Variants in DCLK3 observed in about 807,000 individuals in gnomAD.
DCLK3 encodes doublecortin like kinase 3.
A neutral mutation model predicts 46.4 loss-of-function variants in DCLK3; 30 were observed. That is an observed-to-expected ratio of 0.65 (90% confidence interval 0.48 to 0.88). The LOEUF is 0.88. DCLK3 is among the 40% of genes least tolerant of loss of function. The pLI is 0.00. For missense variants in DCLK3, 846 were observed against 907.1 expected, an observed-to-expected ratio of 0.93 and a Z score of 0.87; for synonymous variants, 401 against 339.2, an observed-to-expected ratio of 1.18 and a Z score of -2.00.
At chr3:36,719,321 A>T (rs1188412334) in intron 3 of DCLK3, among the ~76,000 whole-genome samples, 2 of 152,214 alleles carry the variant, frequency 1.3e-5, no homozygotes, top group Non-Finnish European at 2.9e-5. Flanking sequence ...ACACTTGACC[A>T]CTGTAATTTA....
At chr3:36,723,739 A>G (rs1701091307) in intron 2 of DCLK3, among the ~76,000 whole-genome samples, 1 of 152,204 alleles carries the variant, frequency 6.6e-6, no homozygotes, top group Non-Finnish European at 1.5e-5. Flanking sequence ...AACCTCTGCC[A>G]GATTTCAGAG....
Position 36,712,457 on chromosome 3 carries a change from C to T in DCLK3, c.*2871G>A, listed in dbSNP as rs1203569319. Reference sequence around the variant, plus strand: ...CAACTTTATTGAGGTATAATTGACACACAATAAACTGCACATAACAAAAGT... The same window carrying T: ...CAACTTTATTGAGGTATAATTGACATACAATAAACTGCACATAACAAAAGT... On this transcript the variant is annotated 3_prime_UTR_variant, in exon 5 of 5. Transcript: ENST00000636136. The T allele has an allele frequency of 6.6e-6, 1 of 152,178 alleles. No homozygotes were observed. The highest frequency in any genetic ancestry group is 2.4e-5 in the African/African-American group (1 of 41,444). 9.4% of individuals were successfully genotyped at this position (152,178 alleles called of 1,614,324 possible).
Position 36,712,964 on chromosome 3 carries a change from A to C in DCLK3, c.*2364T>G, listed in dbSNP as rs1373973513. 1 of 152,228 alleles carries C rather than the reference A, an allele frequency of 6.6e-6. No homozygotes were observed. The highest frequency in any genetic ancestry group is 2.1e-4 in the South Asian group (1 of 4,834). The allele number at this position is 152,228 out of a possible 1,614,324, so 9.4% of individuals were successfully genotyped here. On this transcript the variant is annotated 3_prime_UTR_variant, in exon 5 of 5. Coordinates refer to ENST00000636136, the MANE Select transcript of DCLK3 (RefSeq NM_001394672.2). ...GGTAAACATCTAGAAGTGGAATATC[A>C]TATGGTAGGTACATGTTTAACTTTT... is the stretch of plus-strand genomic sequence containing the variant.
At chr3:36,722,696 G>A (rs1246944890) in intron 2 of DCLK3, among the ~76,000 whole-genome samples, 7 of 152,268 alleles carry the variant, frequency 4.6e-5, no homozygotes, top group African/African-American at 7.2e-5. Context: ...ATGGGAGTTT[G>A]CCTGCACAAG....
chr3:36,748,994 C>T (rs534938042), intron 1 of DCLK3, among the ~76,000 whole-genome samples: 97 of 152,304 alleles, frequency 6.4e-4, no homozygotes, highest in African/African-American at 2.2e-3. Flanking sequence ...CTGGGGACAG[C>T]TTCTCTTTCA....
intron 1 of DCLK3, among the ~76,000 whole-genome samples, chr3:36,744,358 C>T (rs1017259595): frequency 2.0e-5 from 3 of 152,224 alleles, no homozygotes; most frequent in Admixed American, 2.0e-4. Flanking sequence ...TAATCACAAA[C>T]ATCCATCTGC....
At chr3:36,725,514 G>A (rs1701116477) in intron 2 of DCLK3, among the ~76,000 whole-genome samples, 1 of 152,170 alleles carries the variant, frequency 6.6e-6, no homozygotes, top group African/African-American at 2.4e-5. Flanking sequence ...CTACTTGGGA[G>A]GCTGAGGTAG....
Position 36,718,038 on chromosome 3 carries a change from G to A in DCLK3, c.2232C>T (p.Leu744=). 3.1e-6 allele frequency: 5 copies of A among 1,614,162 alleles called. No individual in the cohort carries two copies. The highest frequency in any genetic ancestry group is 2.2e-5 in the East Asian group (1 of 44,878). ...CAGAGATATTGTCCCAGTAAGGGGG[G>A]AGGAACTCAAAGTGGCCCAGCTGGA... ...NIIQLGHFEF[L]PPYWDNISDA... is the part of the protein sequence containing the mutation. Residue 744 remains leucine, a synonymous_variant, in exon 4 of 5, where the codon CTC becomes CTT. Transcript: ENST00000636136.
intron 1 of DCLK3, among the ~76,000 whole-genome samples, chr3:36,762,470 G>A (rs1254368469): frequency 1.3e-5 from 2 of 152,120 alleles, no homozygotes; most frequent in Non-Finnish European, 1.5e-5. Flanking sequence ...GCCAAGCAAA[G>A]AACCATAGAG....
chr3:36,738,081 A>G lies in DCLK3; in HGVS notation c.1086T>C (p.Ser362=), dbSNP rs1409625882. 3.1e-6 allele frequency: 5 copies of G among 1,612,746 alleles called. No homozygotes were observed. In the Admixed American group the frequency reaches 8.3e-5, roughly 27 times the overall value. ...CRRSPEANPA[S]GEEGWKGDSH... is the part of the protein sequence containing the mutation. Reference sequence around the variant, plus strand: ...TGTCACCCTTCCACCCTTCCTCCCCACTTGCAGGATTTGCCTCGGGAGACC... The same window carrying G: ...TGTCACCCTTCCACCCTTCCTCCCCGCTTGCAGGATTTGCCTCGGGAGACC... The change falls in exon 2 of 5, where the codon AGT becomes AGC. Residue 362 remains serine, a synonymous_variant. Transcript: ENST00000636136.
intron 1 of DCLK3, among the ~76,000 whole-genome samples, chr3:36,761,984 T>C (rs551880325): frequency 9.2e-5 from 14 of 152,212 alleles, no homozygotes; most frequent in Admixed American, 3.3e-4. Flanking sequence ...AAATCCCTCT[T>C]TGGGGGATTT....
intron 3 of DCLK3, 141 bp from the exon 4 acceptor site, chr3:36,718,318 C>A: frequency 1.8e-6 from 2 of 1,093,020 alleles, no homozygotes; most frequent in African/African-American, 1.6e-5. Flanking sequence ...GAGCCACTTC[C>A]AAACACAGCT....
intron 2 of DCLK3, among the ~76,000 whole-genome samples, chr3:36,728,235 C>T (rs1490158613): frequency 4.6e-5 from 7 of 152,154 alleles, no homozygotes; most frequent in African/African-American, 1.2e-4. Flanking sequence ...CCTCCAAAGA[C>T]GGGAAGCAAG....
intron 1 of DCLK3, among the ~76,000 whole-genome samples, chr3:36,747,276 A>C (rs1701401578): frequency 6.6e-6 from 1 of 152,192 alleles, no homozygotes; most frequent in Admixed American, 6.5e-5. Flanking sequence ...CAGGAGAAAA[A>C]TGTTTCTTTC....
chr3:36,713,860 A>G lies in DCLK3; in HGVS notation c.*1468T>C, dbSNP rs763199348. 6.6e-6 allele frequency: 1 copy of G among 152,244 alleles called. No individual in the cohort carries two copies. The highest frequency in any genetic ancestry group is 1.9e-4 in the East Asian group (1 of 5,188). The allele number at this position is 152,244 out of a possible 1,614,324, so 9.4% of individuals were successfully genotyped here. A position where few individuals can be genotyped will look rare whatever the true frequency, so the allele number is the denominator to read the frequency against. On this transcript the variant is annotated 3_prime_UTR_variant, in exon 5 of 5. Transcript: ENST00000636136. ...CAAAGGAGCTGAGCCACCATACCCT[A>G]CAGGGACTAGTCATTTGATATAGCC...
intron 1 of DCLK3, among the ~76,000 whole-genome samples, chr3:36,746,273 T>C (rs1485421561): frequency 1.3e-5 from 2 of 152,230 alleles, no homozygotes; most frequent in Non-Finnish European, 2.9e-5. Flanking sequence ...GGCCAGGCCT[T>C]GTTCTAACCC....
intron 2 of DCLK3, among the ~76,000 whole-genome samples, chr3:36,727,976 T>A (rs1701145611): frequency 6.6e-6 from 1 of 152,222 alleles, no homozygotes; most frequent in Admixed American, 6.5e-5. Flanking sequence ...CTGTGGGACA[T>A]CTGATACCAT....
At chr3:36,728,373 GA>G in intron 2 of DCLK3, among the ~76,000 whole-genome samples, 1 of 152,276 alleles carries the variant, frequency 6.6e-6, no homozygotes, top group East Asian at 1.9e-4. Context: ...GGGGTGGGGG[GA>G]CGGTGTCTGT....
intron 4 of DCLK3, among the ~76,000 whole-genome samples, chr3:36,716,456 C>T (rs1278547147): frequency 6.6e-6 from 1 of 151,938 alleles, no homozygotes; most frequent in Admixed American, 6.5e-5. Flanking sequence ...CCAAAAAGCC[C>T]CAGCCCCACC....
Sources: gnomAD v4.1 joint callset for allele counts (sites outside exome capture counted in the v4.1 genomes callset) on GRCh38, gnomAD v4.1.1 for gene constraint, MANE v1.5 for transcripts, NCBI Gene and HGNC (gene_info 2026-07-23, HGNC 2026-07-21) for gene names.